The following PAK2 variants were observed in gnomAD, a reference collection of about 807,000 sequenced individuals.
PAK2 encodes the protein p21 (RAC1) activated kinase 2, also known as serine/threonine-protein kinase PAK 2.
PAK2 carries 21 observed loss-of-function variants against 65.9 expected under a neutral mutation model. The ratio of observed to expected loss-of-function variants is 0.32; its 90% CI spans 0.23 to 0.46. PAK2 has a LOEUF of 0.46. Among genes scored for constraint, PAK2 ranks in the 20% least tolerant of loss-of-function variants. The pLI is 1.00. For synonymous variants in PAK2, 204 were observed against 219.7 expected (o/e 0.93, Z 0.63); for missense variants, 324 against 642.6 (o/e 0.50, Z 5.36).
chr3:196,829,312 C>G lies in PAK2; in HGVS notation c.*907C>G, dbSNP rs1711987996. ...CACTACCTTCTTCCCTCCTTTCCCC[C>G]TTCAATTTGGAAATAAATTTCTGTA... On this transcript the variant is annotated 3_prime_UTR_variant, in exon 15 of 15. Coordinates refer to ENST00000327134, the MANE Select transcript of PAK2 (RefSeq NM_002577.4). The G allele has an allele frequency of 6.6e-6, 1 of 152,568 alleles. No individual in the cohort carries two copies. The highest frequency in any genetic ancestry group is 6.6e-5 in the Admixed American group (1 of 15,264). The allele number at this position is 152,568 out of a possible 1,614,324, so 9.5% of individuals were successfully genotyped here. A position where few individuals can be genotyped will look rare whatever the true frequency, so the allele number is the denominator to read the frequency against.
chr3:196,797,890 G>T (rs1201875368), intron 2 of PAK2, among the ~76,000 whole-genome samples: 3 of 152,248 alleles, frequency 2.0e-5, no homozygotes, highest in East Asian at 3.9e-4. Context: ...CAAATAAAAA[G>T]ATATTTAGAA....
At chr3:196,742,642 C>T (rs989236311) in intron 1 of PAK2, among the ~76,000 whole-genome samples, 3 of 152,066 alleles carry the variant, frequency 2.0e-5, no homozygotes, top group Non-Finnish European at 4.4e-5. Flanking sequence ...TCGCCGGGCG[C>T]GGTGGCTCAC....
intron 1 of PAK2, among the ~76,000 whole-genome samples, chr3:196,746,565 A>T (rs577956221): frequency 6.6e-6 from 1 of 152,150 alleles, no homozygotes; most frequent in East Asian, 1.9e-4. Context: ...TTATCCCAGC[A>T]CTTTGGGAGG....
At chr3:196,748,308 ACAGT>A (rs1384997130) in intron 1 of PAK2, among the ~76,000 whole-genome samples, 1 of 152,154 alleles carries the variant, frequency 6.6e-6, no homozygotes, top group Non-Finnish European at 1.5e-5. Flanking sequence ...TATATTTGGC[ACAGT>A]CAGTGAACCA....
At chr3:196,770,618 T>TTATTG (rs1355931642) in intron 1 of PAK2, among the ~76,000 whole-genome samples, 3 of 151,970 alleles carry the variant, frequency 2.0e-5, no homozygotes, top group African/African-American at 4.8e-5. Flanking sequence ...GTATTTTATT[T>TTATTG]TATTGTATTG....
chr3:196,811,310 CT>C lies in PAK2; in HGVS notation c.773+659del, dbSNP rs1244012528. 1.5e-4 allele frequency among the ~76,000 whole-genome samples: 4 copies of C among 26,178 alleles called. 1 individual carries two copies. The highest frequency in any genetic ancestry group is 3.4e-4 in the African/African-American group (2 of 5,846). The allele number at this position is 26,178 out of a possible 152,430, so 17.2% of individuals were successfully genotyped here. On this transcript the variant is annotated intron_variant, in intron 8 of 14. Transcript: ENST00000327134. ...TCCCTTCCCTCCCTCCCTTCCTTCC[CT>C]TCCTTTCCTTCCTTCCCTTCCCTCC...
intron 2 of PAK2, among the ~76,000 whole-genome samples, chr3:196,798,404 T>C (rs6583175): frequency 0.82 from 124,253 of 151,118 alleles, 51,303 homozygotes; most frequent in African/African-American, 0.87. Flanking sequence ...AGTACAGTGG[T>C]GCGATCTTGG....
chr3:196,815,584 T>C (rs866612017), intron 11 of PAK2, among the ~76,000 whole-genome samples: 12 of 151,652 alleles, frequency 7.9e-5, no homozygotes, highest in East Asian at 1.9e-4. Flanking sequence ...GTCAAGAGAT[T>C]GAGACCATCC....
At chr3:196,746,512 T>G (rs1713385008) in intron 1 of PAK2, among the ~76,000 whole-genome samples, 1 of 152,142 alleles carries the variant, frequency 6.6e-6, no homozygotes, top group Non-Finnish European at 1.5e-5. Flanking sequence ...CTCATATAAA[T>G]TTAGATTAAT....
Position 196,832,500 on chromosome 3 carries a change from T to C in PAK2, c.*4095T>C, listed in dbSNP as rs1712123730. 6.6e-6 allele frequency: 1 copy of C among 152,182 alleles called. No homozygotes were observed. Among genetic ancestry groups the C allele is most frequent in the Admixed American group, 6.5e-5 (1 of 15,272 alleles). 9.4% of individuals were successfully genotyped at this position (152,182 alleles called of 1,614,324 possible). A position where few individuals can be genotyped will look rare whatever the true frequency, so the allele number is the denominator to read the frequency against. On this transcript the variant is annotated 3_prime_UTR_variant, in exon 15 of 15. Coordinates refer to ENST00000327134, the MANE Select transcript of PAK2 (RefSeq NM_002577.4). ...ACTTTTTAAAAAAAGTGTGCATTTT[T>C]CCCTTTCCTAAACTTTTATTCTTTC... is the stretch of plus-strand genomic sequence containing the variant.
chr3:196,795,882 G>A (rs1715243218), intron 2 of PAK2, among the ~76,000 whole-genome samples: 2 of 152,204 alleles, frequency 1.3e-5, no homozygotes, highest in South Asian at 2.1e-4. Context: ...GACCTTTTTG[G>A]CACCCGGGAT....
At position 196,812,853 on chromosome 3, in the gene PAK2, T is replaced by A. The variant is rs768269690; in HGVS notation, c.935+2T>A. The A allele has an allele frequency of 3.3e-6, 4 of 1,224,330 alleles. No individual in the cohort carries two copies. The South Asian group carries it at 4.9e-5, about 15-fold the overall frequency. 75.8% of individuals were successfully genotyped at this position (1,224,330 alleles called of 1,614,324 possible). A position where few individuals can be genotyped will look rare whatever the true frequency, so the allele number is the denominator to read the frequency against. ...CAACATCGTTAACTTTTTGGACAGGTAAGTATGACTATTCCTTAAACACCG... is the reference window on the plus strand; with the variant it reads ...CAACATCGTTAACTTTTTGGACAGGAAAGTATGACTATTCCTTAAACACCG... On this transcript the variant is annotated splice_donor_variant, in intron 10 of 14. Transcript: ENST00000327134. LOFTEE classifies it high-confidence loss of function.
At chr3:196,767,736 C>T (rs1043759960) in intron 1 of PAK2, among the ~76,000 whole-genome samples, 13 of 152,088 alleles carry the variant, frequency 8.5e-5, no homozygotes, top group East Asian at 5.8e-4. Context: ...CCTCGTGATC[C>T]GCCCGCTTCG....
intron 1 of PAK2, among the ~76,000 whole-genome samples, chr3:196,760,794 A>G (rs1158605469): frequency 6.6e-6 from 1 of 152,238 alleles, no homozygotes; most frequent in Admixed American, 6.5e-5. Context: ...CTGAAGGTGT[A>G]TAGGATATTT....
chr3:196,812,169 T>C (rs1715849653), intron 8 of PAK2, 50 bp from the exon 9 acceptor site: 2 of 989,360 alleles, frequency 2.0e-6, no homozygotes, highest in East Asian at 4.8e-5. Context: ...ATATTGCAAA[T>C]GCTAGTGATT....
At chr3:196,766,931 CGTGTGTGTGTGTGTGTGTGTGT>C (rs60929724) in intron 1 of PAK2, among the ~76,000 whole-genome samples, 24 of 134,342 alleles carry the variant, frequency 1.8e-4, no homozygotes, top group South Asian at 2.6e-4. Context: ...AAGTACACCC[CGTGTGTGTGTGTGTGTGTGTGT>C]GTGTGTGTGT....
At chr3:196,792,808 T>A (rs1303403638) in intron 2 of PAK2, among the ~76,000 whole-genome samples, 92 of 150,156 alleles carry the variant, frequency 6.1e-4, no homozygotes, top group Admixed American at 1.9e-3. Context: ...GAAAAAAATA[T>A]ATATATATAC....
At position 196,769,639 on chromosome 3, in the gene PAK2, G is replaced by A. The variant is rs185874318; in HGVS notation, c.-21-12987G>A. 6.1e-3 allele frequency among the ~76,000 whole-genome samples: 527 copies of A among 86,728 alleles called. 11 individuals carry two copies. The highest frequency in any genetic ancestry group is 0.024 in the African/African-American group (494 of 20,414). The allele number at this position is 86,728 out of a possible 152,430, so 56.9% of individuals were successfully genotyped here. A position where few individuals can be genotyped will look rare whatever the true frequency, so the allele number is the denominator to read the frequency against. ...GTCCTGGCTAACACGGTGAAACCCC[G>A]TCTCTCCTAAAAAAAAAAATACAAA... On this transcript the variant is annotated intron_variant, in intron 1 of 14. Coordinates refer to ENST00000327134, the MANE Select transcript of PAK2 (RefSeq NM_002577.4).
chr3:196,804,830 T>TATATATATATATACAC lies in PAK2; in HGVS notation c.437-509_437-508insCACATATATATATATA, dbSNP rs1560110388. 5.0e-3 allele frequency among the ~76,000 whole-genome samples: 13 copies of TATATATATATATACAC among 2,610 alleles called. No individual in the cohort carries two copies. The East Asian group carries it at 0.27, about 54-fold the overall frequency. 1.7% of individuals were successfully genotyped at this position (2,610 alleles called of 152,430 possible). A position where few individuals can be genotyped will look rare whatever the true frequency, so the allele number is the denominator to read the frequency against. ...TGATATATATATATATATATACACATATATATATATATATACACACACACA... is the reference window on the plus strand; with the variant it reads ...TGATATATATATATATATATACACATATATATATATATACACATATATATATATATACACACACACA... On this transcript the variant is annotated intron_variant, in intron 4 of 14. Transcript: ENST00000327134.
Sources: gnomAD v4.1 joint callset for allele counts (sites outside exome capture counted in the v4.1 genomes callset) on GRCh38, gnomAD v4.1.1 for gene constraint, MANE v1.5 for transcripts, NCBI Gene and HGNC (gene_info 2026-07-23, HGNC 2026-07-21) for gene names.